Variants in VTI1A observed in about 807,000 individuals in gnomAD.
VTI1A encodes vesicle transport through interaction with t-SNAREs homolog 1A.
Under a neutral mutation model 34.9 loss-of-function variants are expected in VTI1A, and 22 were observed. The observed-to-expected ratio is 0.63, with a 90% CI of 0.45 to 0.90. VTI1A has a LOEUF of 0.90. Among genes scored for constraint, VTI1A ranks in the 40% least tolerant of loss-of-function variants. The pLI is 0.00. For missense variants in VTI1A, 268 were observed against 275.6 expected (o/e 0.97, Z 0.20); for synonymous variants, 87 against 97.3 (o/e 0.89, Z 0.62).
chr10:112,820,947 G>A (rs1235296998), downstream of VTI1A, among the ~76,000 whole-genome samples: 2 of 152,140 alleles, frequency 1.3e-5, no homozygotes, highest in East Asian at 3.9e-4. Context: ...CCCTTCTTCA[G>A]GAGGAGCTAA....
At chr10:112,531,407 A>C (rs1850434667) in intron 4 of VTI1A, among the ~76,000 whole-genome samples, 1 of 151,920 alleles carries the variant, frequency 6.6e-6, no homozygotes, top group Admixed American at 6.5e-5. Flanking sequence ...CTTACAGTCC[A>C]GTCTACGCAT....
intron 7 of VTI1A, among the ~76,000 whole-genome samples, chr10:112,673,468 G>GCGCGCGCACACACACACACA (rs1554938762): frequency 1.3e-5 from 2 of 151,562 alleles, no homozygotes; most frequent in African/African-American, 4.8e-5. Flanking sequence ...GCGTGCGCGC[G>GCGCGCGCACACACACACACA]CACACACACA....
chr10:112,611,737 ATTTTTTTT>A (rs3057346), intron 5 of VTI1A, among the ~76,000 whole-genome samples: 1 of 100,852 alleles, frequency 9.9e-6, no homozygotes, highest in Non-Finnish European at 1.9e-5. Context: ...GAGAAAGGTA[ATTTTTTTT>A]TTTTTTTTTT....
chr10:112,475,493 A>G (rs1848249704), intron 3 of VTI1A, among the ~76,000 whole-genome samples: 1 of 152,214 alleles, frequency 6.6e-6, no homozygotes, highest in African/African-American at 2.4e-5. Context: ...ATTTTATGGC[A>G]GAAGGAGCAA....
intron 7 of VTI1A, among the ~76,000 whole-genome samples, chr10:112,714,110 G>A (rs1158764431): frequency 6.6e-6 from 1 of 152,126 alleles, no homozygotes; most frequent in Non-Finnish European, 1.5e-5. Context: ...CTTAGCCCTT[G>A]AAAGACACTA....
intron 3 of VTI1A, among the ~76,000 whole-genome samples, chr10:112,504,093 A>G (rs1042762080): frequency 1.3e-5 from 2 of 152,210 alleles, no homozygotes; most frequent in African/African-American, 4.8e-5. Context: ...GTTGTTCTAA[A>G]AATACAACCT....
intron 3 of VTI1A, among the ~76,000 whole-genome samples, chr10:112,466,083 T>A (rs980372674): frequency 6.6e-6 from 1 of 152,200 alleles, no homozygotes; most frequent in Non-Finnish European, 1.5e-5. Flanking sequence ...GCCTTACCTA[T>A]GAGCAACAGA....
chr10:112,583,542 T>A (rs551099930), intron 5 of VTI1A, among the ~76,000 whole-genome samples: 163 of 152,336 alleles, frequency 1.1e-3, no homozygotes, highest in Non-Finnish European at 1.8e-3. Context: ...AATAAAAAAA[T>A]ACATTATTAA....
chr10:112,586,900 A>G (rs1451398640), intron 5 of VTI1A, among the ~76,000 whole-genome samples: 1 of 152,210 alleles, frequency 6.6e-6, no homozygotes, highest in Non-Finnish European at 1.5e-5. Context: ...TTGAGCAGCA[A>G]ACATGTTTCA....
intron 7 of VTI1A, among the ~76,000 whole-genome samples, chr10:112,784,005 A>C (rs1217271439): frequency 6.6e-6 from 1 of 152,244 alleles, no homozygotes; most frequent in Non-Finnish European, 1.5e-5. Flanking sequence ...CCAACCTTGA[A>C]GCAAAATGGG....
intron 5 of VTI1A, among the ~76,000 whole-genome samples, chr10:112,608,275 T>G (rs1845164773): frequency 6.6e-6 from 1 of 152,246 alleles, no homozygotes; most frequent in African/African-American, 2.4e-5. Context: ...CATACATGCA[T>G]GCATACATAC....
At chr10:112,578,249 G>C (rs2134389449) in intron 5 of VTI1A, among the ~76,000 whole-genome samples, 1 of 152,286 alleles carries the variant, frequency 6.6e-6, no homozygotes, top group African/African-American at 2.4e-5. Context: ...AAGAAGAGAG[G>C]ATGGATGCCA....
intron 7 of VTI1A, among the ~76,000 whole-genome samples, chr10:112,797,700 TTTTG>T (rs1211165736): frequency 1.5e-5 from 1 of 68,816 alleles, no homozygotes; most frequent in Non-Finnish European, 5.0e-5. Flanking sequence ...CGTGAGGATT[TTTTG>T]TTTGTTTGTT....
intron 5 of VTI1A, among the ~76,000 whole-genome samples, chr10:112,633,580 C>G (rs1181266758): frequency 6.6e-6 from 1 of 152,070 alleles, no homozygotes; most frequent in Non-Finnish European, 1.5e-5. Context: ...AAAAGGAAGT[C>G]AAAGAAGAGA....
chr10:112,483,065 T>C (rs1351267827), intron 3 of VTI1A, among the ~76,000 whole-genome samples: 5 of 152,080 alleles, frequency 3.3e-5, no homozygotes, highest in Admixed American at 6.6e-5. Context: ...AAATACCCAG[T>C]ATCTTCCAGG....
intron 5 of VTI1A, among the ~76,000 whole-genome samples, chr10:112,592,533 T>G (rs1490869995): frequency 6.6e-6 from 1 of 152,206 alleles, no homozygotes; most frequent in African/African-American, 2.4e-5. Context: ...GCATCTTCAT[T>G]AGACTCCATA....
chr10:112,717,167 C>G (rs1849639345), intron 7 of VTI1A, among the ~76,000 whole-genome samples: 1 of 152,208 alleles, frequency 6.6e-6, no homozygotes, highest in African/African-American at 2.4e-5. Flanking sequence ...GAGTTGGAAG[C>G]TTACATGTTG....
chr10:112,703,500 A>G (rs1208264145), intron 7 of VTI1A, among the ~76,000 whole-genome samples: 1 of 152,062 alleles, frequency 6.6e-6, no homozygotes, highest in Non-Finnish European at 1.5e-5. Context: ...CGGGAGATGA[A>G]GGTTGCGGTG....
chr10:112,830,839 ATATATATATATTTT>A, the VTI1A span, among the ~76,000 whole-genome samples: 1 of 46,288 alleles, frequency 2.2e-5, no homozygotes, highest in Admixed American at 2.8e-4. Context: ...ATATATATAT[ATATATATATATTTT>A]TTTTTTTTTT....
Sources: gnomAD v4.1 joint callset for allele counts (sites outside exome capture counted in the v4.1 genomes callset) on GRCh38, gnomAD v4.1.1 for gene constraint, MANE v1.5 for transcripts, NCBI Gene and HGNC (gene_info 2026-07-23, HGNC 2026-07-21) for gene names.